The following PTPRO variants were observed in gnomAD, a reference collection of about 807,000 sequenced individuals.
PTPRO encodes the protein receptor-type tyrosine-protein phosphatase O.
Under a neutral mutation model 145.2 loss-of-function variants are expected in PTPRO, and 62 were observed. That is an observed-to-expected ratio of 0.43 (90% CI 0.35 to 0.53). The LOEUF is 0.53. PTPRO is among the 20% of genes least tolerant of loss of function. PTPRO has a pLI of 0.01. For missense variants in PTPRO, 1,345 were observed against 1,482.7 expected (o/e 0.91, Z 1.53); for synonymous variants, 565 against 514.7 (o/e 1.10, Z -1.32).
rs542675723 is a variant in PTPRO, at chr12:15,497,717, A to G, written c.508+314A>G. 3.3e-5 allele frequency among the ~76,000 whole-genome samples: 5 copies of G among 152,350 alleles called. No individual in the cohort carries two copies. In the South Asian group the frequency reaches 1.0e-3, roughly 32 times the overall value. ...AATTCAGACTTAAGTTTAGAAGCAC[A>G]AGTAACCGTTTCTTTCTGGGTATGA... On this transcript the variant is annotated intron_variant, in intron 3 of 26. Coordinates refer to ENST00000281171, the MANE Select transcript of PTPRO (RefSeq NM_030667.3).
chr12:15,443,534 A>G (rs778636757), intron 1 of PTPRO, among the ~76,000 whole-genome samples: 22 of 152,146 alleles, frequency 1.4e-4, no homozygotes, highest in Non-Finnish European at 2.6e-4. Flanking sequence ...TGCACACCGA[A>G]AGAAACTATC....
At chr12:15,426,376 T>G (rs556491672) in intron 1 of PTPRO, among the ~76,000 whole-genome samples, 3 of 152,160 alleles carry the variant, frequency 2.0e-5, no homozygotes, top group Non-Finnish European at 2.9e-5. Context: ...TATCTCTTCT[T>G]TTGCAATGTT....
Position 15,549,268 on chromosome 12 carries a change from AAT to A in PTPRO, c.2437+57_2437+58del, listed in dbSNP as rs10541885. The A allele has an allele frequency of 0.026, 32,904 of 1,279,504 alleles. 37 individuals carry two copies. The highest frequency in any genetic ancestry group is 0.043 in the African/African-American group (2,717 of 63,420). The allele number at this position is 1,279,504 out of a possible 1,614,324, so 79.3% of individuals were successfully genotyped here. On this transcript the variant is annotated intron_variant, in intron 14 of 26. Transcript: ENST00000281171. ...GTGTATAATTTTCTCACTTTTTTTG[AAT>A]ATATATATATATATGTATTTGTATC...
At chr12:15,391,661 C>A (rs577107937) in intron 1 of PTPRO, among the ~76,000 whole-genome samples, 172 of 152,266 alleles carry the variant, frequency 1.1e-3, no homozygotes, top group South Asian at 0.011. Flanking sequence ...CCTTGGCTAC[C>A]GCAATGGCAT....
intron 1 of PTPRO, among the ~76,000 whole-genome samples, chr12:15,414,729 G>A (rs57563834): frequency 0.12 from 17,501 of 152,154 alleles, 1,485 homozygotes; most frequent in African/African-American, 0.24. Flanking sequence ...CCAGAAACCT[G>A]ATCATCTGAA....
At chr12:15,393,151 A>G (rs1026482801) in intron 1 of PTPRO, among the ~76,000 whole-genome samples, 44 of 152,230 alleles carry the variant, frequency 2.9e-4, no homozygotes, top group African/African-American at 1.1e-3. Context: ...TGCCTTCCAC[A>G]TGTTTTCTTG....
intron 1 of PTPRO, among the ~76,000 whole-genome samples, chr12:15,466,882 A>C (rs1941428924): frequency 6.6e-6 from 1 of 152,184 alleles, no homozygotes; most frequent in South Asian, 2.1e-4. Context: ...AGAATAAGGA[A>C]TCATCCGTGG....
intron 6 of PTPRO, 54 bp from the exon 7 acceptor site, chr12:15,508,517 A>G: frequency 1.3e-6 from 2 of 1,522,794 alleles, no homozygotes; most frequent in Non-Finnish European, 1.8e-6. Context: ...AGAATCTTTT[A>G]TCTCAATCAG....
chr12:15,488,583 G>C (rs1941938486), intron 2 of PTPRO, among the ~76,000 whole-genome samples: 2 of 152,168 alleles, frequency 1.3e-5, no homozygotes, highest in South Asian at 2.1e-4. Context: ...TTTCTCCTGA[G>C]AATAAAAGAG....
chr12:15,589,966 A>G (rs2135671686), intron 25 of PTPRO, among the ~76,000 whole-genome samples: 1 of 152,310 alleles, frequency 6.6e-6, no homozygotes, highest in South Asian at 2.1e-4. Context: ...ATTTGATTCA[A>G]TACATTTGTC....
intron 1 of PTPRO, among the ~76,000 whole-genome samples, chr12:15,402,689 A>G (rs1939531715): frequency 1.3e-5 from 2 of 152,150 alleles, no homozygotes; most frequent in African/African-American, 4.8e-5. Flanking sequence ...ACAAATGACA[A>G]ATGTTGTCAT....
intron 15 of PTPRO, among the ~76,000 whole-genome samples, chr12:15,552,423 C>T (rs556458347): frequency 6.6e-6 from 1 of 152,302 alleles, no homozygotes; most frequent in East Asian, 1.9e-4. Context: ...TATAAATTAA[C>T]ATTCTTCTCC....
intron 1 of PTPRO, among the ~76,000 whole-genome samples, chr12:15,476,597 T>C (rs1218798093): frequency 6.6e-6 from 1 of 151,484 alleles, no homozygotes; most frequent in Non-Finnish European, 1.5e-5. Context: ...ATTTTGGCTT[T>C]TGTTGCCATT....
intron 1 of PTPRO, among the ~76,000 whole-genome samples, chr12:15,351,701 T>A (rs946292936): frequency 6.6e-6 from 1 of 152,206 alleles, no homozygotes; most frequent in Non-Finnish European, 1.5e-5. Context: ...TTACTGAATT[T>A]TCCCACTATG....
chr12:15,569,585 C>T lies in PTPRO; in HGVS notation c.2829+87C>T, dbSNP rs1032679637. 1.9e-5 allele frequency: 22 copies of T among 1,177,906 alleles called. No individual in the cohort carries two copies. In the Admixed American group the frequency reaches 3.9e-4, roughly 21 times the overall value. 73.0% of individuals were successfully genotyped at this position (1,177,906 alleles called of 1,614,324 possible). A position where few individuals can be genotyped will look rare whatever the true frequency, so the allele number is the denominator to read the frequency against. ...TGTGTTGCGGTCATGTCCCTGCTCA[C>T]TGGCAGTGCGTAACAAAAAGGGTAT... On this transcript the variant is annotated intron_variant, in intron 19 of 26. Coordinates refer to ENST00000281171, the MANE Select transcript of PTPRO (RefSeq NM_030667.3).
chr12:15,434,999 C>T (rs61908014), intron 1 of PTPRO, among the ~76,000 whole-genome samples: 5,343 of 152,226 alleles, frequency 0.035, 274 homozygotes, highest in African/African-American at 0.11. Context: ...AGTCCTAACT[C>T]CTACCCTTCT....
chr12:15,505,822 C>T (rs117717328), intron 6 of PTPRO, among the ~76,000 whole-genome samples: 3,083 of 152,314 alleles, frequency 0.02, 53 homozygotes, highest in Non-Finnish European at 0.029. Context: ...TGAGCTGTTA[C>T]ATTACAATTT....
At chr12:15,580,571 C>A in intron 21 of PTPRO, 126 bp from the exon 22 acceptor site, 1 of 1,068,874 alleles carries the variant, frequency 9.4e-7, no homozygotes, top group South Asian at 1.3e-5. Flanking sequence ...GAAAACATTA[C>A]ATAGGTGTGT....
At chr12:15,523,660 A>T (rs1391558557) in intron 10 of PTPRO, among the ~76,000 whole-genome samples, 2 of 152,146 alleles carry the variant, frequency 1.3e-5, no homozygotes, top group Non-Finnish European at 2.9e-5. Flanking sequence ...CTGTAGTCCT[A>T]GCTACTTGGT....
Sources: gnomAD v4.1 joint callset for allele counts (sites outside exome capture counted in the v4.1 genomes callset) on GRCh38, gnomAD v4.1.1 for gene constraint, MANE v1.5 for transcripts, NCBI Gene and HGNC (gene_info 2026-07-23, HGNC 2026-07-21) for gene names.